ANXA1: variants seen among roughly 807,000 people sequenced by gnomAD.
The protein encoded by ANXA1 is annexin I (lipocortin I).
A neutral mutation model predicts 47.9 loss-of-function variants in ANXA1; 39 were observed. The ratio of observed to expected loss-of-function variants is 0.81; its 90% confidence interval spans 0.63 to 1.06. The LOEUF (loss-of-function observed/expected upper bound fraction) is 1.06. ANXA1 is among the 50% of genes least tolerant of loss of function. ANXA1 has a pLI of 0.00. For synonymous variants in ANXA1, 146 were observed against 142.5 expected, an observed-to-expected ratio of 1.02 and a Z score of -0.17; for missense variants, 446 against 422.7, an observed-to-expected ratio of 1.06 and a Z score of -0.48.
chr9:73,168,880 GGT>G (rs3832643), intron 11 of ANXA1, 150 bp from the exon 12 acceptor site: 29,120 of 398,820 alleles, frequency 0.073, 431 homozygotes, highest in East Asian at 0.19. Flanking sequence ...ATTCGTGTAA[GGT>G]GTGTGTGTGT....
chr9:73,161,415 T>C (rs1407574910), intron 6 of ANXA1, among the ~76,000 whole-genome samples: 1 of 152,178 alleles, frequency 6.6e-6, no homozygotes, highest in South Asian at 2.1e-4. Flanking sequence ...ACTTTATCTC[T>C]AGTTAAATTC....
At chr9:73,164,969 T>A in intron 8 of ANXA1, 147 bp from the exon 9 acceptor site, 1 of 587,564 alleles carries the variant, frequency 1.7e-6, no homozygotes. Flanking sequence ...GTCCCTATCT[T>A]TAAAGAACTT....
In ANXA1 at chr9:73,160,327, TA is replaced by T; in HGVS notation, c.340del (p.Thr114LeufsTer14). Reference protein sequence around the residue: ...GHLEEVVLALLKTPAQFDADE... With the variant: ...GHLEEVVLALXKTPAQFDADE... ...CTTGAGGAGGTTGTTTTAGCTCTGC[TA>T]AAAACTCCAGCGCAATTTGATGCTG... On this transcript the variant is annotated frameshift_variant, in exon 5 of 13. Transcript: ENST00000257497. LOFTEE classifies it high-confidence loss of function. 1 of 1,589,836 alleles carries T rather than the reference TA, an allele frequency of 6.3e-7. No homozygotes were observed. The highest frequency in any genetic ancestry group is 1.4e-5 in the African/African-American group (1 of 72,964).
At position 73,170,128 on chromosome 9, in the gene ANXA1, A is replaced by T; in HGVS notation, c.*21A>T. 1 of 1,585,120 alleles carries T rather than the reference A, an allele frequency of 6.3e-7. No individual in the cohort carries two copies. The highest frequency in any genetic ancestry group is 8.6e-7 in the Non-Finnish European group (1 of 1,165,186). On this transcript the variant is annotated 3_prime_UTR_variant, in exon 13 of 13. Transcript: ENST00000257497. ...ACTAAACATTCCCTTGATGGTCTCA[A>T]GCTATGATCAGAAGACTTTAATTAT...
rs1824108533 is a variant in ANXA1, at chr9:73,159,815, AT to A, written c.270+393del. The A allele has an allele frequency of 1.9e-5, 3 of 158,854 alleles. No individual in the cohort carries two copies. In the Admixed American group the frequency reaches 1.9e-4, roughly 10 times the overall value. The allele number at this position is 158,854 out of a possible 1,614,324, so 9.8% of individuals were successfully genotyped here. ...ATAAGCCTTATGTCTTTTATACCAA[AT>A]ATGAGTAGTTTTCTAAAGCAATGAA... On this transcript the variant is annotated intron_variant, in intron 4 of 12. Coordinates refer to ENST00000257497, the MANE Select transcript of ANXA1 (RefSeq NM_000700.3).
chr9:73,166,968 G>T (rs1160974238), intron 10 of ANXA1, among the ~76,000 whole-genome samples: 1 of 151,954 alleles, frequency 6.6e-6, no homozygotes, highest in African/African-American at 2.4e-5. Context: ...TTACTTATTT[G>T]TTTGTGCAAC....
intron 7 of ANXA1, 65 bp from the exon 8 acceptor site, chr9:73,163,411 T>C: frequency 6.9e-7 from 1 of 1,457,550 alleles, no homozygotes; most frequent in Non-Finnish European, 9.5e-7. Flanking sequence ...GAGTTTAAGA[T>C]AATTAAGTAA....
rs2118186247 is a variant in ANXA1, at chr9:73,170,068, T to C, written c.1002T>C (p.Asp334=). 1.2e-6 allele frequency: 2 copies of C among 1,608,286 alleles called. No homozygotes were observed. The highest frequency in any genetic ancestry group is 1.7e-6 in the Non-Finnish European group (2 of 1,176,798). The change falls in exon 13 of 13, where the codon GAT becomes GAC. Residue 334 remains aspartate, a synonymous_variant. Coordinates refer to ENST00000257497, the MANE Select transcript of ANXA1 (RefSeq NM_000700.3). ...CQAILDETKG[D]YEKILVALCG... ...ATCAACAGGATGAAACCAAAGGAGATTATGAGAAAATCCTGGTGGCTCTTT... is the reference window on the plus strand; with the variant it reads ...ATCAACAGGATGAAACCAAAGGAGACTATGAGAAAATCCTGGTGGCTCTTT...
At chr9:73,160,459 C>A in intron 5 of ANXA1, 83 bp downstream of exon 5, 2 of 905,244 alleles carry the variant, frequency 2.2e-6, no homozygotes, top group Non-Finnish European at 1.7e-6. Context: ...TTTTCAAAAT[C>A]TAGTATAGTA....
intron 1 of ANXA1, among the ~76,000 whole-genome samples, chr9:73,154,559 CT>C (rs1279536171): frequency 2.0e-5 from 3 of 152,284 alleles, no homozygotes; most frequent in Admixed American, 2.0e-4. Context: ...CTGCCTCAGC[CT>C]TCTGAGTAGA....
At chr9:73,165,312 A>C in intron 9 of ANXA1, 103 bp downstream of exon 9, 3 of 833,718 alleles carry the variant, frequency 3.6e-6, no homozygotes, top group East Asian at 2.7e-5. Context: ...TTTCAATATC[A>C]CTCCTGTATC....
intron 12 of ANXA1, 67 bp downstream of exon 12, chr9:73,169,221 A>G: frequency 3.4e-6 from 5 of 1,486,968 alleles, no homozygotes; most frequent in Non-Finnish European, 4.5e-6. Context: ...CTTCAAGGAG[A>G]AGAGTTGACT....
intron 9 of ANXA1, 127 bp downstream of exon 9, chr9:73,165,336 G>T: frequency 1.6e-6 from 1 of 623,916 alleles, no homozygotes; most frequent in Non-Finnish European, 2.7e-6. Context: ...CAGATACAGT[G>T]TTCCTGACCC....
At chr9:73,156,962 C>T (rs1052407244) in intron 1 of ANXA1, among the ~76,000 whole-genome samples, 2 of 152,086 alleles carry the variant, frequency 1.3e-5, no homozygotes. Context: ...TTTCAATATA[C>T]TTAAGATCTT....
chr9:73,165,251 T>A (rs775956465), intron 9 of ANXA1, 42 bp downstream of exon 9: 3 of 1,530,362 alleles, frequency 2.0e-6, no homozygotes, highest in Non-Finnish European at 2.7e-6. Context: ...TTATGGAAGA[T>A]GCAATTTTCT....
intron 11 of ANXA1, chr9:73,168,018 T>C (rs975870890): frequency 6.4e-6 from 1 of 155,708 alleles, no homozygotes; most frequent in South Asian, 1.9e-4. Context: ...GTATTTGAGA[T>C]CAACTATGTC....
intron 11 of ANXA1, chr9:73,168,723 T>G (rs1257352734): frequency 5.7e-6 from 1 of 174,870 alleles, no homozygotes; most frequent in African/African-American, 2.4e-5. Context: ...GATAGACTAG[T>G]TTATTAGATT....
intron 8 of ANXA1, among the ~76,000 whole-genome samples, chr9:73,164,379 G>A (rs187730452): frequency 1.3e-5 from 2 of 152,218 alleles, no homozygotes; most frequent in East Asian, 1.9e-4. Context: ...AATAGAAATT[G>A]TTCAAGCATA....
chr9:73,167,641 C>G, intron 11 of ANXA1, 86 bp downstream of exon 11: 1 of 1,216,054 alleles, frequency 8.2e-7, no homozygotes, highest in Non-Finnish European at 1.2e-6. Context: ...TTGAAAATCT[C>G]ACATTTAATA....
Sources: allele counts gnomAD v4.1 joint callset (sites outside exome capture counted in the v4.1 genomes callset), GRCh38; gene constraint gnomAD v4.1.1; transcripts MANE v1.5; gene names NCBI Gene and HGNC (gene_info 2026-07-23, HGNC 2026-07-21).